The following KLF12 variants were observed in gnomAD, a reference collection of about 807,000 sequenced individuals.
The protein encoded by KLF12 is Krueppel-like factor 12.
In KLF12, 9 loss-of-function variants were observed where a neutral mutation model predicts 37.8. The ratio of observed to expected loss-of-function variants is 0.24; its 90% CI spans 0.14 to 0.42. The LOEUF (loss-of-function observed/expected upper bound fraction) is 0.42, where lower values mean the gene tolerates loss of function less well. Among genes scored for constraint, KLF12 ranks in the 10% least tolerant of loss-of-function variants. The probability of loss-of-function intolerance (pLI) is 1.00; values close to 1 mark genes in which losing one functional copy is unlikely to be tolerated. For missense variants in KLF12, 411 were observed against 516.0 expected (o/e 0.80, Z 1.97); for synonymous variants, 208 against 202.1 (o/e 1.03, Z -0.25).
At chr13:73,841,826 C>T (rs965051160) in intron 4 of KLF12, among the ~76,000 whole-genome samples, 6 of 152,180 alleles carry the variant, frequency 3.9e-5, no homozygotes, top group African/African-American at 1.4e-4. Flanking sequence ...CTAACTGCTA[C>T]TTGTCCTTAG....
At chr13:73,835,928 T>A (rs1188271640) in intron 4 of KLF12, among the ~76,000 whole-genome samples, 1 of 152,194 alleles carries the variant, frequency 6.6e-6, no homozygotes, top group Non-Finnish European at 1.5e-5. Flanking sequence ...AAACTAGAGC[T>A]GGCTTTTAAA....
chr13:74,146,094 A>G, the KLF12 span, among the ~76,000 whole-genome samples: 8 of 152,346 alleles, frequency 5.3e-5, no homozygotes, highest in South Asian at 1.4e-3. Flanking sequence ...TAATGTGAGC[A>G]TACAGAAAGT....
chr13:73,816,816 C>A (rs1883248290), intron 4 of KLF12, among the ~76,000 whole-genome samples: 1 of 152,144 alleles, frequency 6.6e-6, no homozygotes, highest in Non-Finnish European at 1.5e-5. Flanking sequence ...TGTGAAGAAG[C>A]CCGGGAGAGC....
intron 1 of KLF12, among the ~76,000 whole-genome samples, chr13:74,124,214 C>T (rs1877806735): frequency 6.6e-6 from 1 of 152,108 alleles, no homozygotes; most frequent in Admixed American, 6.6e-5. Context: ...TTTGTGTTTG[C>T]TAAAGTTACT....
At chr13:74,249,165 T>A in the KLF12 span, among the ~76,000 whole-genome samples, 1 of 152,074 alleles carries the variant, frequency 6.6e-6, no homozygotes, top group Admixed American at 6.6e-5. Flanking sequence ...ATTTTTTTTT[T>A]AATTTCTAAA....
the KLF12 span, among the ~76,000 whole-genome samples, chr13:74,202,525 A>C: frequency 1.3e-5 from 2 of 152,084 alleles, no homozygotes; most frequent in Non-Finnish European, 2.9e-5. Context: ...CTTAGTAAAA[A>C]ATGTGTGTTT....
chr13:73,738,613 C>T (rs1169394580), intron 6 of KLF12, among the ~76,000 whole-genome samples: 1 of 151,914 alleles, frequency 6.6e-6, no homozygotes, highest in Non-Finnish European at 1.5e-5. Context: ...CAGGCAAAAC[C>T]CAAATATGAG....
At chr13:74,304,068 C>T in the KLF12 span, among the ~76,000 whole-genome samples, 1 of 152,106 alleles carries the variant, frequency 6.6e-6, no homozygotes, top group Non-Finnish European at 1.5e-5. Flanking sequence ...GTGCATAACT[C>T]CATGCTGATC....
chr13:73,984,094 G>T (rs767356301), intron 2 of KLF12, among the ~76,000 whole-genome samples: 2 of 152,298 alleles, frequency 1.3e-5, no homozygotes, highest in South Asian at 2.1e-4. Context: ...TAAGATCCTC[G>T]GGTGGGGAGG....
chr13:74,083,350 A>T (rs560168970), intron 1 of KLF12, among the ~76,000 whole-genome samples: 22 of 152,134 alleles, frequency 1.4e-4, no homozygotes, highest in African/African-American at 5.1e-4. Flanking sequence ...TAAAAAGTGC[A>T]GAAAAATTAG....
chr13:74,287,349 T>A, the KLF12 span, among the ~76,000 whole-genome samples: 8 of 71,860 alleles, frequency 1.1e-4, no homozygotes, highest in South Asian at 8.4e-4. Context: ...CTATCAAAGT[T>A]GAGAGAGAGA....
chr13:73,918,364 C>T (rs1473607511), intron 3 of KLF12, among the ~76,000 whole-genome samples: 2 of 152,108 alleles, frequency 1.3e-5, no homozygotes, highest in Non-Finnish European at 2.9e-5. Context: ...GAAATGTCTA[C>T]AACTATGTCT....
At position 73,954,783 on chromosome 13, in the gene KLF12, T is replaced by A. The variant is rs142551767; in HGVS notation, c.34-10713A>T. 3.2e-3 allele frequency among the ~76,000 whole-genome samples: 482 copies of A among 152,340 alleles called. 2 individuals are homozygous for A. The highest frequency in any genetic ancestry group is 0.011 in the African/African-American group (469 of 41,580). ...AGAATATCCACTTCCAAGTTAAGAT[T>A]TTTCCAGATTTCCCAAATGATGTCT... On this transcript the variant is annotated intron_variant, in intron 2 of 7. Coordinates refer to ENST00000377669, the MANE Select transcript of KLF12 (RefSeq NM_007249.5).
the KLF12 span, among the ~76,000 whole-genome samples, chr13:74,164,725 G>A: frequency 6.6e-6 from 1 of 152,194 alleles, no homozygotes; most frequent in Non-Finnish European, 1.5e-5. Context: ...GAAGCTGGCA[G>A]TTGCTTATAT....
At position 74,015,959 on chromosome 13, in the gene KLF12, G is replaced by C. The variant is rs1334937047; in HGVS notation, c.-31-20906C>G. ...TCATGGTAAAGGCATTAGAGATATG[G>C]ACATAAAAGATGGACATAACAGATG... is the stretch of plus-strand genomic sequence containing the variant. On this transcript the variant is annotated intron_variant, in intron 1 of 7. Transcript: ENST00000377669. Among the ~76,000 whole-genome samples the C allele has an allele frequency of 3.3e-5, 5 of 151,954 alleles. No individual in the cohort carries two copies. The South Asian group carries it at 1.0e-3, about 32-fold the overall frequency.
At chr13:73,764,848 G>C (rs1262788955) in intron 6 of KLF12, 90 bp downstream of exon 6, 2 of 747,324 alleles carry the variant, frequency 2.7e-6, no homozygotes, top group Non-Finnish European at 4.7e-6. Flanking sequence ...TCTGTATAGA[G>C]AAGTAGGACT....
the KLF12 span, among the ~76,000 whole-genome samples, chr13:74,222,966 T>G: frequency 6.9e-4 from 105 of 152,330 alleles, no homozygotes; most frequent in African/African-American, 2.5e-3. Flanking sequence ...ACATTCTTAG[T>G]AAGACTTAGA....
chr13:74,100,044 G>A (rs964643830), intron 1 of KLF12, among the ~76,000 whole-genome samples: 5 of 152,104 alleles, frequency 3.3e-5, no homozygotes, highest in Non-Finnish European at 7.3e-5. Flanking sequence ...GAGTGTGGAG[G>A]GGAGAGAGAG....
chr13:73,789,058 C>A (rs1881511460), intron 5 of KLF12, among the ~76,000 whole-genome samples: 1 of 152,050 alleles, frequency 6.6e-6, no homozygotes, highest in African/African-American at 2.4e-5. Context: ...CTGAGAATGA[C>A]TTTTTTTTCA....
Sources: allele counts gnomAD v4.1 joint callset (sites outside exome capture counted in the v4.1 genomes callset), GRCh38; gene constraint gnomAD v4.1.1; transcripts MANE v1.5; gene names NCBI Gene and HGNC (gene_info 2026-07-23, HGNC 2026-07-21).